Variants in SGMS1 observed in about 807,000 individuals in gnomAD.
SGMS1 encodes phosphatidylcholine:ceramide cholinephosphotransferase 1.
A neutral mutation model predicts 46.2 loss-of-function variants in SGMS1; 13 were observed. That is an observed-to-expected ratio of 0.28 (90% CI 0.18 to 0.45). SGMS1 has a LOEUF of 0.45. Ranked by LOEUF, SGMS1 falls within the 20% of genes least tolerant of loss-of-function variation. The pLI is 1.00. For synonymous variants in SGMS1, 203 were observed against 187.8 expected (o/e 1.08, Z -0.66); for missense variants, 324 against 519.9 (o/e 0.62, Z 3.66).
At chr10:50,532,093 ATCCG>A (rs1186482064) in intron 2 of SGMS1, among the ~76,000 whole-genome samples, 1 of 152,204 alleles carries the variant, frequency 6.6e-6, no homozygotes, top group Non-Finnish European at 1.5e-5. Flanking sequence ...CAGGGTCACC[ATCCG>A]TGTGGAGTCC....
At chr10:50,449,640 CGTGTGTGTGT>C (rs10581530) in intron 5 of SGMS1, among the ~76,000 whole-genome samples, 2 of 150,074 alleles carry the variant, frequency 1.3e-5, no homozygotes, top group Non-Finnish European at 3.0e-5. Flanking sequence ...AGTGTGTGCA[CGTGTGTGTGT>C]GTGTGTGTGT....
intron 5 of SGMS1, among the ~76,000 whole-genome samples, chr10:50,445,784 G>C (rs1019268380): frequency 3.9e-5 from 6 of 152,168 alleles, no homozygotes; most frequent in Non-Finnish European, 5.9e-5. Flanking sequence ...AGGGAACAAG[G>C]GAGATAACCT....
chr10:50,337,975 C>A (rs1324366681), intron 7 of SGMS1, among the ~76,000 whole-genome samples: 2 of 151,972 alleles, frequency 1.3e-5, no homozygotes, highest in Admixed American at 1.3e-4. Flanking sequence ...AGCATATAAT[C>A]CCAGAAAAGC....
chr10:50,500,975 T>G (rs2133756301), intron 3 of SGMS1, among the ~76,000 whole-genome samples: 1 of 152,314 alleles, frequency 6.6e-6, no homozygotes, highest in Admixed American at 6.5e-5. Flanking sequence ...ATAAGGGATC[T>G]CATCTGATTT....
intron 6 of SGMS1, among the ~76,000 whole-genome samples, chr10:50,404,525 C>A (rs1848986234): frequency 6.6e-6 from 1 of 152,030 alleles, no homozygotes; most frequent in Non-Finnish European, 1.5e-5. Context: ...ATTGCTTGAG[C>A]CCACGAGTTT....
At chr10:50,360,509 A>T (rs1007720223) in intron 6 of SGMS1, among the ~76,000 whole-genome samples, 1 of 152,200 alleles carries the variant, frequency 6.6e-6, no homozygotes, top group African/African-American at 2.4e-5. Context: ...TCTTAGTACT[A>T]ATTACCAAAA....
chr10:50,400,397 A>G (rs1467716732), intron 6 of SGMS1, among the ~76,000 whole-genome samples: 9 of 272 alleles, frequency 0.033, no homozygotes, highest in East Asian at 0.29. Context: ...ACATCCTGGC[A>G]TATATATATA....
intron 2 of SGMS1, among the ~76,000 whole-genome samples, chr10:50,552,631 G>A (rs917179064): frequency 6.6e-6 from 1 of 152,182 alleles, no homozygotes; most frequent in Non-Finnish European, 1.5e-5. Flanking sequence ...CTACAAGGCG[G>A]ACTGAAAGTT....
intron 6 of SGMS1, among the ~76,000 whole-genome samples, chr10:50,432,428 G>A (rs1163341173): frequency 3.3e-5 from 5 of 152,066 alleles, no homozygotes; most frequent in African/African-American, 1.2e-4. Context: ...TCCCAGCCTC[G>A]CTTTCAGTGA....
At chr10:50,374,706 C>G (rs1848496742) in intron 6 of SGMS1, among the ~76,000 whole-genome samples, 1 of 152,132 alleles carries the variant, frequency 6.6e-6, no homozygotes, top group Admixed American at 6.5e-5. Context: ...AGAATCCTCA[C>G]TCATCCAGCC....
At chr10:50,439,146 T>G (rs781630720) in intron 5 of SGMS1, among the ~76,000 whole-genome samples, 13 of 152,182 alleles carry the variant, frequency 8.5e-5, no homozygotes, top group Non-Finnish European at 1.3e-4. Context: ...GAATAAAAAT[T>G]AAAACATCCA....
chr10:50,367,947 G>T (rs1848374206), intron 6 of SGMS1, among the ~76,000 whole-genome samples: 1 of 152,156 alleles, frequency 6.6e-6, no homozygotes, highest in Non-Finnish European at 1.5e-5. Context: ...ATACCACCAG[G>T]GGGCAACGCA....
At chr10:50,330,809 T>C (rs1847612827) in intron 7 of SGMS1, among the ~76,000 whole-genome samples, 1 of 152,168 alleles carries the variant, frequency 6.6e-6, no homozygotes, top group South Asian at 2.1e-4. Flanking sequence ...GGAAGAGTAA[T>C]GATTCAGGTC....
chr10:50,515,097 T>C (rs1249318799), intron 3 of SGMS1, among the ~76,000 whole-genome samples: 1 of 152,234 alleles, frequency 6.6e-6, no homozygotes, highest in Non-Finnish European at 1.5e-5. Flanking sequence ...TAACTCATTA[T>C]CTTTTGTGAG....
chr10:50,519,224 T>C (rs1005850447), intron 3 of SGMS1, among the ~76,000 whole-genome samples: 1 of 152,142 alleles, frequency 6.6e-6, no homozygotes, highest in Non-Finnish European at 1.5e-5. Flanking sequence ...GACACAGAAA[T>C]AGAACATAGA....
chr10:50,407,909 T>C (rs1849039448), intron 6 of SGMS1, among the ~76,000 whole-genome samples: 1 of 152,176 alleles, frequency 6.6e-6, no homozygotes, highest in South Asian at 2.1e-4. Context: ...AACTTTTGGC[T>C]GAATCATTTT....
At chr10:50,428,642 A>G (rs1588816569) in intron 6 of SGMS1, among the ~76,000 whole-genome samples, 1 of 152,196 alleles carries the variant, frequency 6.6e-6, no homozygotes, top group Non-Finnish European at 1.5e-5. Context: ...CTGTCTTACT[A>G]TCTTTACAAC....
rs67951872 is a variant in SGMS1 at position 50,365,255 on chromosome 10, C to CAAAAAAAAAAAAAAAAAAAA, written c.-231-20930_-231-20911dup. ...GCGACGGAGTGAGACTCCATCTCAC[C>CAAAAAAAAAAAAAAAAAAAA]AAAAAAAAAAAAAAAAAAAAAAAGC... is the stretch of plus-strand genomic sequence containing the variant. On this transcript the variant is annotated intron_variant, in intron 6 of 10. Transcript: ENST00000361781. Among the ~76,000 whole-genome samples, 30 of 45,026 alleles carry CAAAAAAAAAAAAAAAAAAAA rather than the reference C, an allele frequency of 6.7e-4. 2 individuals are homozygous for CAAAAAAAAAAAAAAAAAAAA. Among genetic ancestry groups the CAAAAAAAAAAAAAAAAAAAA allele is most frequent in the South Asian group, 2.7e-3 (2 of 736 alleles). 29.5% of individuals were successfully genotyped at this position (45,026 alleles called of 152,430 possible). A position where few individuals can be genotyped will look rare whatever the true frequency, so the allele number is the denominator to read the frequency against.
chr10:50,354,468 G>A (rs962094702), intron 6 of SGMS1, among the ~76,000 whole-genome samples: 35 of 152,082 alleles, frequency 2.3e-4, no homozygotes, highest in Non-Finnish European at 5.1e-4. Context: ...TTAAATTTTA[G>A]ACCTAAAACC....
Sources: allele counts gnomAD v4.1 joint callset (sites outside exome capture counted in the v4.1 genomes callset), GRCh38; gene constraint gnomAD v4.1.1; transcripts MANE v1.5; gene names NCBI Gene and HGNC (gene_info 2026-07-23, HGNC 2026-07-21).